Variants in SIK3 observed in about 807,000 individuals in gnomAD.
The protein encoded by SIK3 is SIK family kinase 3, also known as serine/threonine-protein kinase SIK3.
Under a neutral mutation model 144.2 loss-of-function variants are expected in SIK3, and 28 were observed. The observed-to-expected ratio is 0.19, with a 90% CI of 0.14 to 0.27. The LOEUF (loss-of-function observed/expected upper bound fraction) is 0.27, where lower values mean the gene tolerates loss of function less well. Ranked by LOEUF, SIK3 falls within the 10% of genes least tolerant of loss-of-function variation. The pLI is 1.00. For synonymous variants in SIK3, 686 were observed against 676.3 expected (o/e 1.01, Z -0.22); for missense variants, 1,319 against 1,776.0 (o/e 0.74, Z 4.62).
chr11:116,962,129 G>C (rs140382939), intron 1 of SIK3, among the ~76,000 whole-genome samples: 1 of 152,176 alleles, frequency 6.6e-6, no homozygotes, highest in Non-Finnish European at 1.5e-5. Context: ...TTGTAAGCAA[G>C]ATACGGCAAC....
chr11:117,061,426 T>C (rs1194507833), intron 1 of SIK3, among the ~76,000 whole-genome samples: 1 of 152,180 alleles, frequency 6.6e-6, no homozygotes, highest in Admixed American at 6.5e-5. Context: ...CTCTTCCACT[T>C]AATGGTTGCG....
intron 15 of SIK3, chr11:116,864,051 C>T: frequency 2.5e-6 from 1 of 405,538 alleles, no homozygotes; most frequent in Non-Finnish European, 4.4e-6. Context: ...GCTTACTTTC[C>T]AAGCCTGGTG....
At chr11:116,852,672 A>C (rs1942562336) in intron 21 of SIK3, among the ~76,000 whole-genome samples, 1 of 152,228 alleles carries the variant, frequency 6.6e-6, no homozygotes, top group Admixed American at 6.5e-5. Context: ...TTCTGAGTGC[A>C]TAAGGACGTG....
At chr11:117,049,047 G>C (rs533333707) in intron 1 of SIK3, among the ~76,000 whole-genome samples, 2 of 152,312 alleles carry the variant, frequency 1.3e-5, no homozygotes, top group African/African-American at 4.8e-5. Flanking sequence ...GTTGCAGTGA[G>C]CTGAGATCGT....
intron 1 of SIK3, among the ~76,000 whole-genome samples, chr11:117,042,618 T>A (rs1046570484): frequency 6.6e-6 from 1 of 152,208 alleles, no homozygotes; most frequent in Non-Finnish European, 1.5e-5. Flanking sequence ...ACCCGAATGT[T>A]TTCAGTAAGC....
chr11:117,008,531 A>C (rs1951136649), intron 1 of SIK3, among the ~76,000 whole-genome samples: 1 of 152,200 alleles, frequency 6.6e-6, no homozygotes, highest in Non-Finnish European at 1.5e-5. Flanking sequence ...GAGAAAAGTC[A>C]AACCCTCAAT....
chr11:117,045,512 A>C (rs1952925637), intron 1 of SIK3, among the ~76,000 whole-genome samples: 1 of 152,212 alleles, frequency 6.6e-6, no homozygotes, highest in Non-Finnish European at 1.5e-5. Flanking sequence ...TCTGTAATCC[A>C]TAAGCCATTT....
At chr11:116,863,924 G>C in intron 15 of SIK3, 106 bp from the exon 16 acceptor site, 1 of 1,219,900 alleles carries the variant, frequency 8.2e-7, no homozygotes, top group Non-Finnish European at 1.1e-6. Context: ...GGCTGCCCAG[G>C]TAGCCCTGCA....
intron 3 of SIK3, among the ~76,000 whole-genome samples, chr11:116,943,085 C>G (rs912276838): frequency 6.6e-6 from 1 of 151,616 alleles, no homozygotes; most frequent in African/African-American, 2.4e-5. Context: ...TCTGTGGGCA[C>G]CACATTCATG....
chr11:116,884,790 T>A (rs907162644), intron 6 of SIK3, among the ~76,000 whole-genome samples: 2 of 151,958 alleles, frequency 1.3e-5, no homozygotes, highest in East Asian at 3.9e-4. Flanking sequence ...ATGTAGTCAA[T>A]GCCACAGTTT....
At chr11:117,043,114 G>C (rs970949755) in intron 1 of SIK3, among the ~76,000 whole-genome samples, 1 of 152,062 alleles carries the variant, frequency 6.6e-6, no homozygotes, top group African/African-American at 2.4e-5. Context: ...TTATTGACTT[G>C]ATGAGCTTCT....
intron 1 of SIK3, among the ~76,000 whole-genome samples, chr11:116,996,819 C>CAAAAAAAAAAA (rs11329513): frequency 3.4e-5 from 2 of 58,406 alleles, no homozygotes; most frequent in Non-Finnish European, 6.4e-5. Context: ...GACTCTCTCT[C>CAAAAAAAAAAA]AAAAAAAAAA....
chr11:116,929,179 C>T (rs534620880), intron 3 of SIK3, among the ~76,000 whole-genome samples: 46 of 152,220 alleles, frequency 3.0e-4, no homozygotes, highest in Non-Finnish European at 5.9e-4. Context: ...CTAACAGTAC[C>T]TGCTCCTCTG....
chr11:117,038,022 G>A (rs1180533831), intron 1 of SIK3, among the ~76,000 whole-genome samples: 2 of 152,114 alleles, frequency 1.3e-5, no homozygotes, highest in Non-Finnish European at 2.9e-5. Context: ...ACTATGGGGT[G>A]GAAAACTCTT....
intron 1 of SIK3, among the ~76,000 whole-genome samples, chr11:117,016,367 AAG>A (rs1354490094): frequency 1.5e-5 from 1 of 68,654 alleles, no homozygotes; most frequent in East Asian, 3.9e-4. Context: ...GGAGGGAGGG[AAG>A]GAGAGGGAGG....
intron 1 of SIK3, among the ~76,000 whole-genome samples, chr11:116,992,324 CCCAAAAA>C (rs1950527100): frequency 6.9e-6 from 1 of 145,562 alleles, no homozygotes; most frequent in African/African-American, 2.6e-5. Flanking sequence ...GACCCCCCCC[CCCAAAAA>C]AAAACACCTC....
At chr11:117,092,053 G>C (rs749426851) in intron 1 of SIK3, among the ~76,000 whole-genome samples, 1 of 152,044 alleles carries the variant, frequency 6.6e-6, no homozygotes, top group Admixed American at 6.6e-5. Context: ...CCAAAGCACT[G>C]GAATTACAGG....
chr11:116,958,051 T>C (rs1256544317), intron 1 of SIK3, among the ~76,000 whole-genome samples: 3 of 152,190 alleles, frequency 2.0e-5, no homozygotes, highest in Non-Finnish European at 4.4e-5. Flanking sequence ...TATGTCTATA[T>C]CTCAGTTTCA....
At chr11:116,974,089 G>C (rs919265541) in intron 1 of SIK3, among the ~76,000 whole-genome samples, 3 of 152,202 alleles carry the variant, frequency 2.0e-5, no homozygotes, top group Non-Finnish European at 2.9e-5. Flanking sequence ...AATAAGAATA[G>C]AGGAAACTGA....
Sources: gnomAD v4.1 joint callset for allele counts (sites outside exome capture counted in the v4.1 genomes callset) on GRCh38, gnomAD v4.1.1 for gene constraint, MANE v1.5 for transcripts, NCBI Gene and HGNC (gene_info 2026-07-23, HGNC 2026-07-21) for gene names.